The following PCDHA4 variants were observed in gnomAD, a reference collection of about 807,000 sequenced individuals.
The protein encoded by PCDHA4 is protocadherin alpha-4.
Under a neutral mutation model 61.4 loss-of-function variants are expected in PCDHA4, and 49 were observed. The ratio of observed to expected loss-of-function variants is 0.80; its 90% confidence interval spans 0.63 to 1.01. The LOEUF is 1.01. Ranked by LOEUF, PCDHA4 falls within the 50% of genes least tolerant of loss-of-function variation. PCDHA4 has a pLI of 0.00. For synonymous variants in PCDHA4, 590 were observed against 550.3 expected (o/e 1.07, Z -1.01); for missense variants, 1,254 against 1,235.8 (o/e 1.01, Z -0.22).
chr5:140,981,888 G>A (rs1554243508), intron 2 of PCDHA4, among the ~76,000 whole-genome samples: 1 of 152,140 alleles, frequency 6.6e-6, no homozygotes, highest in Non-Finnish European at 1.5e-5. Flanking sequence ...AATCTCTTCT[G>A]AGCGGGGATC....
chr5:140,928,401 C>T, intron 1 of PCDHA4: 1 of 1,614,028 alleles, frequency 6.2e-7, no homozygotes, highest in Non-Finnish European at 8.5e-7. Flanking sequence ...TGGAATCATC[C>T]AGTGGGGCCA....
At chr5:140,842,578 G>T in intron 1 of PCDHA4, 2 of 1,515,278 alleles carry the variant, frequency 1.3e-6, no homozygotes, top group Non-Finnish European at 1.8e-6. Context: ...AGAGAGTGTC[G>T]GCCTATGAGT....
chr5:140,983,146 G>T (rs894953025), intron 3 of PCDHA4, among the ~76,000 whole-genome samples: 3 of 152,140 alleles, frequency 2.0e-5, no homozygotes, highest in Non-Finnish European at 4.4e-5. Flanking sequence ...TAGTGCCTTG[G>T]CATGCATGTT....
intron 1 of PCDHA4, chr5:140,849,341 C>G: frequency 7.1e-7 from 1 of 1,407,916 alleles, no homozygotes; most frequent in African/African-American, 1.6e-5. Flanking sequence ...ACTCCTTCTC[C>G]AGTGATGTTT....
At chr5:140,900,674 T>C (rs782072148) in intron 1 of PCDHA4, among the ~76,000 whole-genome samples, 11 of 152,230 alleles carry the variant, frequency 7.2e-5, no homozygotes, top group African/African-American at 2.4e-4. Context: ...AGTGCAGTTA[T>C]CTCTTCAATA....
At chr5:140,928,309 G>C in intron 1 of PCDHA4, 1 of 1,614,124 alleles carries the variant, frequency 6.2e-7, no homozygotes, top group Non-Finnish European at 8.5e-7. Flanking sequence ...CCAGGACCCC[G>C]ACCTGGGGAA....
At position 140,856,418 on chromosome 5, in the gene PCDHA4, G is replaced by A. The variant is rs782470045; in HGVS notation, c.2385+46846G>A. 17 of 1,598,338 alleles carry A rather than the reference G, an allele frequency of 1.1e-5. 1 individual carries two copies. The Admixed American group carries it at 1.2e-4, about 11-fold the overall frequency. On this transcript the variant is annotated intron_variant, in intron 1 of 3. Transcript: ENST00000530339. ...TTTCCATGTGGACGTGGAAGTGAAGGACATTAACGACAACCCGCCCAGGTT... is the reference window on the plus strand; with the variant it reads ...TTTCCATGTGGACGTGGAAGTGAAGAACATTAACGACAACCCGCCCAGGTT...
At chr5:140,884,054 G>A (rs1313975286) in intron 1 of PCDHA4, 1 of 1,613,390 alleles carries the variant, frequency 6.2e-7, no homozygotes, top group Non-Finnish European at 8.5e-7. Flanking sequence ...GAAGGTGCGC[G>A]CGGTGGACGC....
In PCDHA4 at chr5:140,876,830, C is replaced by T. The variant is rs199585768; in HGVS notation, c.2385+67258C>T. The T allele has an allele frequency of 3.4e-4, 552 of 1,614,204 alleles. 1 individual carries two copies. Among genetic ancestry groups the T allele is most frequent in the South Asian group, 1.5e-3 (138 of 91,090 alleles). On this transcript the variant is annotated intron_variant, in intron 1 of 3. Coordinates refer to ENST00000530339, the MANE Select transcript of PCDHA4 (RefSeq NM_018907.4). ...GTGGCCGACGTGAACGACAATGCGC[C>T]TGCGTTCGCGCAGCCCGAGTACACA...
intron 1 of PCDHA4, chr5:140,835,759 A>T: frequency 6.2e-7 from 1 of 1,613,356 alleles, no homozygotes; most frequent in South Asian, 1.1e-5. Context: ...GCGCAGCCCG[A>T]GTATACGGTG....
At chr5:140,816,521 G>C (rs1433290964) in intron 1 of PCDHA4, 2 of 151,904 alleles carry the variant, frequency 1.3e-5, no homozygotes, top group Admixed American at 1.3e-4. Context: ...GTGTGTGTGT[G>C]TGTGTGTGTG....
At chr5:140,871,205 T>C (rs1554165267) in intron 1 of PCDHA4, 3 of 1,613,774 alleles carry the variant, frequency 1.9e-6, no homozygotes, top group Admixed American at 3.3e-5. Flanking sequence ...TACCTGATCA[T>C]CGCCATCTGC....
rs199529084 is a variant in PCDHA4, at chr5:140,856,259, G to C, written c.2385+46687G>C. The C allele has an allele frequency of 2.8e-5, 44 of 1,598,088 alleles. 4 individuals are homozygous for C. Among genetic ancestry groups the C allele is most frequent in the Non-Finnish European group, 3.5e-5 (41 of 1,167,866 alleles). Reference sequence around the variant, plus strand: ...GTTCCGGGTGGCGTCCAAAAGACACGGGGACCTTCTGGAGGTAAATCTGCA... The same window carrying C: ...GTTCCGGGTGGCGTCCAAAAGACACCGGGACCTTCTGGAGGTAAATCTGCA... On this transcript the variant is annotated intron_variant, in intron 1 of 3. Coordinates refer to ENST00000530339, the MANE Select transcript of PCDHA4 (RefSeq NM_018907.4).
chr5:140,875,521 T>C (rs2055562442), intron 1 of PCDHA4: 2 of 1,614,014 alleles, frequency 1.2e-6, no homozygotes, highest in Non-Finnish European at 1.7e-6. Flanking sequence ...TCTGCTGCTC[T>C]CGCTTCTGCT....
At chr5:140,856,926 G>A (rs782283116) in intron 1 of PCDHA4, 1 of 1,594,828 alleles carries the variant, frequency 6.3e-7, no homozygotes, top group South Asian at 1.1e-5. Context: ...AGGAAATTTT[G>A]GATAAACGAA....
intron 1 of PCDHA4, among the ~76,000 whole-genome samples, chr5:140,905,939 T>A (rs1583575409): frequency 6.6e-6 from 1 of 152,288 alleles, no homozygotes; most frequent in African/African-American, 2.4e-5. Context: ...GCTGAAGAAC[T>A]TGGAATCCGA....
intron 1 of PCDHA4, chr5:140,859,217 C>A (rs1409192343): frequency 1.3e-5 from 2 of 149,754 alleles, no homozygotes; most frequent in Non-Finnish European, 3.0e-5. Context: ...AGCTCTTTCA[C>A]TTTAAGGAAG....
chr5:140,955,386 G>T (rs942993673), intron 1 of PCDHA4, among the ~76,000 whole-genome samples: 4 of 152,080 alleles, frequency 2.6e-5, no homozygotes, highest in African/African-American at 9.7e-5. Flanking sequence ...AATCATGGGG[G>T]CAATTATCCC....
rs782169287 is a variant in PCDHA4 at position 140,808,331 on chromosome 5, A to C, written c.1144A>C (p.Asn382His). 10 of 1,614,132 alleles carry C rather than the reference A, an allele frequency of 6.2e-6. No individual in the cohort carries two copies. Among genetic ancestry groups the C allele is most frequent in the African/African-American group, 4.0e-5 (3 of 74,958 alleles). Residue 382 changes from asparagine (N) to histidine (H), a missense_variant, in exon 1 of 4, where the codon AAT (asparagine) becomes CAT (histidine). By Grantham distance (68) the Asn-to-His change is moderately conservative (BLOSUM62 1). Transcript: ENST00000530339. ...ISVSDKDMGV[N>H]GLVTCSLTSH... ...CGTGTCCGACAAAGACATGGGTGTC[A>C]ATGGGCTGGTCACCTGCTCCTTGAC...
Sources: gnomAD v4.1 joint callset for allele counts (sites outside exome capture counted in the v4.1 genomes callset) on GRCh38, gnomAD v4.1.1 for gene constraint, MANE v1.5 for transcripts, NCBI Gene and HGNC (gene_info 2026-07-23, HGNC 2026-07-21) for gene names.